KCNH7: variants seen among roughly 807,000 people sequenced by gnomAD.
The protein encoded by KCNH7 is potassium voltage-gated channel subfamily H member 7.
KCNH7 carries 49 observed loss-of-function variants against 120.8 expected under a neutral mutation model. That is an observed-to-expected ratio of 0.41 (90% CI 0.32 to 0.51). The LOEUF is 0.51. Ranked by LOEUF, KCNH7 falls within the 20% of genes least tolerant of loss-of-function variation. KCNH7 has a pLI of 0.38. For missense variants in KCNH7, 1,097 were observed against 1,446.6 expected, an observed-to-expected ratio of 0.76 and a Z score of 3.92; for synonymous variants, 547 against 516.1, an observed-to-expected ratio of 1.06 and a Z score of -0.81.
intron 2 of KCNH7, among the ~76,000 whole-genome samples, chr2:162,617,762 A>T (rs973118228): frequency 6.6e-6 from 1 of 152,184 alleles, no homozygotes; most frequent in Admixed American, 6.5e-5. Flanking sequence ...AATATTTTGT[A>T]ATTTCGTGAA....
intron 2 of KCNH7, among the ~76,000 whole-genome samples, chr2:162,826,329 T>A (rs893533927): frequency 6.6e-6 from 1 of 152,176 alleles, no homozygotes; most frequent in Admixed American, 6.5e-5. Flanking sequence ...TATGAGAACA[T>A]GTAGAGATAT....
intron 8 of KCNH7, among the ~76,000 whole-genome samples, chr2:162,432,024 G>A (rs1175779251): frequency 2.6e-5 from 4 of 151,898 alleles, no homozygotes; most frequent in African/African-American, 9.7e-5. Flanking sequence ...CTAAACTTAA[G>A]TGCATTTTTA....
intron 8 of KCNH7, among the ~76,000 whole-genome samples, chr2:162,430,950 A>G (rs1019297148): frequency 6.6e-6 from 1 of 151,946 alleles, no homozygotes; most frequent in Non-Finnish European, 1.5e-5. Flanking sequence ...CATCACTTAT[A>G]TTTACAATTA....
chr2:162,667,971 C>A (rs1044050598), intron 2 of KCNH7, among the ~76,000 whole-genome samples: 9 of 152,074 alleles, frequency 5.9e-5, no homozygotes, highest in African/African-American at 2.2e-4. Context: ...CATTGTTAGG[C>A]TTCAGTTTAT....
intron 2 of KCNH7, among the ~76,000 whole-genome samples, chr2:162,776,703 C>T (rs185360158): frequency 6.6e-6 from 1 of 152,254 alleles, no homozygotes; most frequent in Non-Finnish European, 1.5e-5. Flanking sequence ...CCTGACTGTA[C>T]TGCATTCCAT....
intron 2 of KCNH7, among the ~76,000 whole-genome samples, chr2:162,590,423 T>C (rs1172867391): frequency 6.6e-6 from 1 of 152,092 alleles, no homozygotes; most frequent in Non-Finnish European, 1.5e-5. Context: ...GAGATTCACA[T>C]TTTAGCTCTA....
chr2:162,497,423 C>T (rs1236656420), intron 6 of KCNH7, among the ~76,000 whole-genome samples: 3 of 152,050 alleles, frequency 2.0e-5, no homozygotes, highest in African/African-American at 7.2e-5. Context: ...AAACAAGAGA[C>T]CGTGCTGGAA....
chr2:162,741,704 A>ATGTTTTGTATTTT (rs1688143584), intron 2 of KCNH7, among the ~76,000 whole-genome samples: 1 of 152,132 alleles, frequency 6.6e-6, no homozygotes, highest in Non-Finnish European at 1.5e-5. Context: ...ACATAAACAT[A>ATGTTTTGTATTTT]ATGGTATTTT....
intron 4 of KCNH7, among the ~76,000 whole-genome samples, chr2:162,514,619 A>G (rs1691218668): frequency 6.6e-6 from 1 of 151,720 alleles, no homozygotes; most frequent in Non-Finnish European, 1.5e-5. Flanking sequence ...GAGTAATTTC[A>G]TGTCTGATTA....
At chr2:162,443,415 A>G (rs975028966) in intron 7 of KCNH7, among the ~76,000 whole-genome samples, 4 of 152,176 alleles carry the variant, frequency 2.6e-5, no homozygotes, top group Admixed American at 2.0e-4. Flanking sequence ...GAATAAATGC[A>G]TTACCATTTA....
At chr2:162,624,498 G>A (rs1235454404) in intron 2 of KCNH7, among the ~76,000 whole-genome samples, 1 of 152,094 alleles carries the variant, frequency 6.6e-6, no homozygotes, top group Non-Finnish European at 1.5e-5. Flanking sequence ...GCAAACAATA[G>A]TGCCTAGAAA....
intron 2 of KCNH7, among the ~76,000 whole-genome samples, chr2:162,721,692 T>C (rs1249480848): frequency 2.6e-5 from 4 of 152,138 alleles, no homozygotes. Context: ...TCTCAAGTGC[T>C]CTAAGTAAAT....
intron 6 of KCNH7, among the ~76,000 whole-genome samples, chr2:162,468,720 T>C (rs981017528): frequency 6.6e-6 from 1 of 151,762 alleles, no homozygotes; most frequent in African/African-American, 2.4e-5. Flanking sequence ...TAGAATTTCA[T>C]TGTGTTAGCC....
Position 162,570,250 on chromosome 2 carries a change from C to T in KCNH7, c.308-33170G>A, listed in dbSNP as rs1220716370. 2.0e-5 allele frequency among the ~76,000 whole-genome samples: 3 copies of T among 150,504 alleles called. No homozygotes were observed. In the East Asian group the frequency reaches 5.9e-4, roughly 30 times the overall value. On this transcript the variant is annotated intron_variant, in intron 2 of 15. Transcript: ENST00000332142. ...GCATATATATTTAGGATAGTTAGCT[C>T]TTCTTGTTGAATTGATCCCTTTACC...
Position 162,713,208 on chromosome 2 carries a change from T to C in KCNH7, c.307+123329A>G, listed in dbSNP as rs537877006. Reference sequence around the variant, plus strand: ...AAGCAGACATAGACGACGTATTTACTGCAAGAGACAACAGGGATGTAGATT... The same window carrying C: ...AAGCAGACATAGACGACGTATTTACCGCAAGAGACAACAGGGATGTAGATT... On this transcript the variant is annotated intron_variant, in intron 2 of 15. Coordinates refer to ENST00000332142, the MANE Select transcript of KCNH7 (RefSeq NM_033272.4). 2.0e-5 allele frequency among the ~76,000 whole-genome samples: 3 copies of C among 152,288 alleles called. No individual in the cohort carries two copies. The East Asian group carries it at 5.8e-4, about 29-fold the overall frequency.
chr2:162,435,075 G>T (rs1050354938), intron 8 of KCNH7, 123 bp downstream of exon 8: 2 of 877,092 alleles, frequency 2.3e-6, no homozygotes, highest in South Asian at 3.7e-5. Flanking sequence ...ACCCATATAT[G>T]TAATCCCATT....
chr2:162,440,974 C>A (rs1474341948), intron 7 of KCNH7, among the ~76,000 whole-genome samples: 2 of 152,062 alleles, frequency 1.3e-5, no homozygotes, highest in Non-Finnish European at 2.9e-5. Context: ...TTTATGCCAT[C>A]TCTAGCAAAA....
At chr2:162,755,544 CAT>C (rs750654210) in intron 2 of KCNH7, among the ~76,000 whole-genome samples, 3 of 152,090 alleles carry the variant, frequency 2.0e-5, no homozygotes, top group African/African-American at 2.4e-5. Context: ...TGTTTACCCA[CAT>C]GTTTCACTCA....
chr2:162,670,633 T>C (rs529408691), intron 2 of KCNH7, among the ~76,000 whole-genome samples: 1 of 152,028 alleles, frequency 6.6e-6, no homozygotes, highest in Non-Finnish European at 1.5e-5. Context: ...GTGATAAGAT[T>C]CATACTTTGT....
Sources: allele counts gnomAD v4.1 joint callset (sites outside exome capture counted in the v4.1 genomes callset), GRCh38; gene constraint gnomAD v4.1.1; transcripts MANE v1.5; gene names NCBI Gene and HGNC (gene_info 2026-07-23, HGNC 2026-07-21).